The following TNFSF12 variants were observed in gnomAD, a reference collection of about 807,000 sequenced individuals.
The protein encoded by TNFSF12 is TNF superfamily member 12, also known as tumor necrosis factor ligand superfamily member 12.
A neutral mutation model predicts 31.2 loss-of-function variants in TNFSF12; 16 were observed. The observed-to-expected ratio is 0.51, with a 90% CI of 0.35 to 0.78. TNFSF12 has a LOEUF of 0.78. Among genes scored for constraint, TNFSF12 ranks in the 30% least tolerant of loss-of-function variants. TNFSF12 has a pLI of 0.01. For synonymous variants in TNFSF12, 150 were observed against 151.4 expected (o/e 0.99, Z 0.07); for missense variants, 324 against 338.8 (o/e 0.96, Z 0.34).
At position 7,557,541 on chromosome 17, in the gene TNFSF12, A is replaced by G. The variant is rs754641841; in HGVS notation, c.*191A>G. 3.1e-5 allele frequency: 23 copies of G among 741,268 alleles called. No homozygotes were observed. The highest frequency in any genetic ancestry group is 4.6e-5 in the Non-Finnish European group (23 of 496,106). 45.9% of individuals were successfully genotyped at this position (741,268 alleles called of 1,614,324 possible). A position where few individuals can be genotyped will look rare whatever the true frequency, so the allele number is the denominator to read the frequency against. Reference sequence around the variant, plus strand: ...ACAGTATTCCCACTCTTATCTTACAACTCCCCCACCGCCCACTCTCCACCT... The same window carrying G: ...ACAGTATTCCCACTCTTATCTTACAGCTCCCCCACCGCCCACTCTCCACCT... On this transcript the variant is annotated 3_prime_UTR_variant, in exon 7 of 7. Coordinates refer to ENST00000293825, the MANE Select transcript of TNFSF12 (RefSeq NM_003809.3). This position sits in a 1 kb window ranked among gnomAD's most constrained non-coding sequence, Gnocchi z 5.2.
rs2150904255 is a variant in TNFSF12, at chr17:7,549,500, AGAG to A, written c.192_194del (p.Glu64del). 1 of 1,550,128 alleles carries A rather than the reference AGAG, an allele frequency of 6.5e-7. No individual in the cohort carries two copies. The highest frequency in any genetic ancestry group is 8.7e-7 in the Non-Finnish European group (1 of 1,144,170). ...AGCCTGCCCAGGAGGAGCTGGTGGC[AGAG>A]GAGGACCAGGACCCGTCGGTGAGTG... is the stretch of plus-strand genomic sequence containing the variant. On this transcript the variant is annotated inframe_deletion, in exon 2 of 7. Coordinates refer to ENST00000293825, the MANE Select transcript of TNFSF12 (RefSeq NM_003809.3). The surrounding 1 kb of genome is among the most constrained non-coding windows in gnomAD (Gnocchi z 4.1).
intron 5 of TNFSF12, among the ~76,000 whole-genome samples, 186 bp from the exon 6 acceptor site, chr17:7,556,592 A>AT (rs1193156254): frequency 2.0e-5 from 3 of 152,098 alleles, no homozygotes; most frequent in Admixed American, 6.5e-5. Context: ...TATACATTAG[A>AT]TTTTTTCACA....
chr17:7,553,897 T>G, intron 5 of TNFSF12: 1 of 1,035,414 alleles, frequency 9.7e-7, no homozygotes, highest in Non-Finnish European at 1.2e-6. Context: ...TCTGGACAAC[T>G]AGGGAGATGG....
In TNFSF12 at chr17:7,550,837, G is replaced by T; in HGVS notation, c.322G>T (p.Ala108Ser). The change falls in exon 4 of 7, where the codon GCA (alanine) becomes TCA (serine). Residue 108 changes from alanine (A) to serine (S), a missense_variant. Ala to Ser is a moderately conservative substitution (Grantham distance 99). Coordinates refer to ENST00000293825, the MANE Select transcript of TNFSF12 (RefSeq NM_003809.3). This position sits in a 1 kb window ranked among gnomAD's most constrained non-coding sequence, Gnocchi z 4.4. ...GRKTRARRAIAAHYEVHPRPG... is the reference protein window; with the variant it reads ...GRKTRARRAISAHYEVHPRPG... ...GAAAACACGGGCTCGAAGAGCGATC[G>T]CAGCCCATTATGAAGGTGGGTGATG... 4 of 1,612,504 alleles carry T rather than the reference G, an allele frequency of 2.5e-6. No homozygotes were observed. The highest frequency in any genetic ancestry group is 3.4e-6 in the Non-Finnish European group (4 of 1,178,698).
Position 7,549,732 on chromosome 17 carries a change from G to C in TNFSF12, c.207+211G>C. On this transcript the variant is annotated intron_variant, in intron 2 of 6. Transcript: ENST00000293825. This position sits in a 1 kb window ranked among gnomAD's most constrained non-coding sequence, Gnocchi z 4.1. ...TTTGTGCTGGGGTTGTGCCACCTGA[G>C]TCTGAGGTGTTTATTGGCTGGGGGT... 1 of 800,530 alleles carries C rather than the reference G, an allele frequency of 1.2e-6. No individual in the cohort carries two copies. Among genetic ancestry groups the C allele is most frequent in the Non-Finnish European group, 1.9e-6 (1 of 528,884 alleles). The allele number at this position is 800,530 out of a possible 1,614,324, so 49.6% of individuals were successfully genotyped here. A position where few individuals can be genotyped will look rare whatever the true frequency, so the allele number is the denominator to read the frequency against.
rs751381442 is a variant in TNFSF12, at chr17:7,549,518, G to C, written c.204G>C (p.Pro68=). The C allele has an allele frequency of 1.3e-6, 2 of 1,551,506 alleles. No individual in the cohort carries two copies. The highest frequency in any genetic ancestry group is 1.7e-6 in the Non-Finnish European group (2 of 1,145,422). ...EELVAEEDQD[P]SELNPQTEES... ...TGGTGGCAGAGGAGGACCAGGACCCGTCGGTGAGTGGGCGTGGGCGCGGTC... is the reference window on the plus strand; with the variant it reads ...TGGTGGCAGAGGAGGACCAGGACCCCTCGGTGAGTGGGCGTGGGCGCGGTC... The change falls in exon 2 of 7, where the codon CCG becomes CCC. Residue 68 remains proline, a synonymous_variant. Transcript: ENST00000293825. This position sits in a 1 kb window ranked among gnomAD's most constrained non-coding sequence, Gnocchi z 4.1.
In TNFSF12 at chr17:7,557,482, G is replaced by A. The variant is rs913554503; in HGVS notation, c.*132G>A. The A allele has an allele frequency of 2.0e-5, 26 of 1,276,112 alleles. No homozygotes were observed. Among genetic ancestry groups the A allele is most frequent in the Non-Finnish European group, 1.1e-6 (1 of 950,318 alleles). The allele number at this position is 1,276,112 out of a possible 1,614,324, so 79.0% of individuals were successfully genotyped here. On this transcript the variant is annotated 3_prime_UTR_variant, in exon 7 of 7. Coordinates refer to ENST00000293825, the MANE Select transcript of TNFSF12 (RefSeq NM_003809.3). This position sits in a 1 kb window ranked among gnomAD's most constrained non-coding sequence, Gnocchi z 5.2. ...CTGCCCCTCCCTCTAGAGGCTGCCT[G>A]GGCCTGTTCACGTGTTTTCCATCCC...
chr17:7,556,733 G>T (rs766198314), intron 5 of TNFSF12, 45 bp from the exon 6 acceptor site: 1 of 1,458,252 alleles, frequency 6.9e-7, no homozygotes, highest in Admixed American at 2.6e-5. Context: ...GTGTGGGGGA[G>T]TCCTGTAGAG....
intron 5 of TNFSF12, among the ~76,000 whole-genome samples, chr17:7,554,213 C>T (rs955568817): frequency 6.6e-6 from 1 of 152,184 alleles, no homozygotes. Context: ...GGCAATTATC[C>T]AGACATTCAT....
At chr17:7,556,008 T>C (rs1198554591) in intron 5 of TNFSF12, among the ~76,000 whole-genome samples, 1 of 112,854 alleles carries the variant, frequency 8.9e-6, no homozygotes, top group Non-Finnish European at 1.8e-5. Flanking sequence ...GGAGACAGAG[T>C]CTAGCTCTGT....
At chr17:7,552,680 G>T (rs888883364) in intron 5 of TNFSF12, among the ~76,000 whole-genome samples, 1 of 152,096 alleles carries the variant, frequency 6.6e-6, no homozygotes, top group African/African-American at 2.4e-5. Flanking sequence ...GGAGAAAGAA[G>T]GGCCCCACGA....
chr17:7,550,803 T>G lies in TNFSF12; in HGVS notation c.288T>G (p.Pro96=). Residue 96 remains proline, a synonymous_variant, in exon 4 of 7, where the codon CCT becomes CCG. Transcript: ENST00000293825. The surrounding 1 kb of genome is among the most constrained non-coding windows in gnomAD (Gnocchi z 4.4). ...CTGTCTTTCCTTGATCCTCAGCACC[T>G]AAAGGCCGGAAAACACGGGCTCGAA... ...NRLVRPRRSA[P]KGRKTRARRA... 1 of 1,610,380 alleles carries G rather than the reference T, an allele frequency of 6.2e-7. No individual in the cohort carries two copies. The highest frequency in any genetic ancestry group is 8.5e-7 in the Non-Finnish European group (1 of 1,177,030).
At chr17:7,552,615 C>T (rs981026138) in intron 5 of TNFSF12, among the ~76,000 whole-genome samples, 18 of 152,068 alleles carry the variant, frequency 1.2e-4, no homozygotes, top group African/African-American at 4.1e-4. Flanking sequence ...AGGTGTGAGC[C>T]CTTGTGCCCG....
At chr17:7,551,818 C>T (rs189236103) in intron 5 of TNFSF12, among the ~76,000 whole-genome samples, 4 of 152,276 alleles carry the variant, frequency 2.6e-5, no homozygotes, top group Admixed American at 6.5e-5. Context: ...AAGACAGTCT[C>T]GCTCTGTCAC....
At position 7,549,499 on chromosome 17, in the gene TNFSF12, C is replaced by T. The variant is rs1349991702; in HGVS notation, c.185C>T (p.Ala62Val). 2 of 1,548,834 alleles carry T rather than the reference C, an allele frequency of 1.3e-6. No homozygotes were observed. The highest frequency in any genetic ancestry group is 3.9e-5 in the Admixed American group (2 of 51,588). Residue 62 changes from alanine to valine, a missense_variant, in exon 2 of 7, where the codon GCA becomes GTA. Coordinates refer to ENST00000293825, the MANE Select transcript of TNFSF12 (RefSeq NM_003809.3). The surrounding 1 kb of genome is among the most constrained non-coding windows in gnomAD (Gnocchi z 4.1). ...GAGCCTGCCCAGGAGGAGCTGGTGG[C>T]AGAGGAGGACCAGGACCCGTCGGTG... ...AQEPAQEELV[A>V]EEDQDPSELN...
chr17:7,549,464 T>A lies in TNFSF12; in HGVS notation c.160-10T>A. On this transcript the variant is annotated splice_polypyrimidine_tract_variant and intron_variant, in intron 1 of 6. Transcript: ENST00000293825. The surrounding 1 kb of genome is among the most constrained non-coding windows in gnomAD (Gnocchi z 4.1). Reference sequence around the variant, plus strand: ...AGCGGCACAGGGTGACGCTCCCTCCTTCCCAGCAGGAGCCTGCCCAGGAGG... The same window carrying A: ...AGCGGCACAGGGTGACGCTCCCTCCATCCCAGCAGGAGCCTGCCCAGGAGG... 6.6e-7 allele frequency: 1 copy of A among 1,516,830 alleles called. No individual in the cohort carries two copies. Among genetic ancestry groups the A allele is most frequent in the Non-Finnish European group, 8.9e-7 (1 of 1,122,626 alleles). 94.0% of individuals were successfully genotyped at this position (1,516,830 alleles called of 1,614,324 possible).
intron 5 of TNFSF12, among the ~76,000 whole-genome samples, chr17:7,554,083 A>C (rs2071030381): frequency 6.6e-6 from 1 of 152,176 alleles, no homozygotes; most frequent in South Asian, 2.1e-4. Flanking sequence ...CCATGCCCTT[A>C]GGCTACAAGC....
rs1037142183 is a variant in TNFSF12, at chr17:7,550,656, A to G, written c.284-143A>G. The G allele has an allele frequency of 2.4e-6, 3 of 1,268,018 alleles. No homozygotes were observed. The African/African-American group carries it at 4.5e-5, about 19-fold the overall frequency. The allele number at this position is 1,268,018 out of a possible 1,614,324, so 78.5% of individuals were successfully genotyped here. On this transcript the variant is annotated intron_variant, in intron 3 of 6. Transcript: ENST00000293825. The surrounding 1 kb of genome is among the most constrained non-coding windows in gnomAD (Gnocchi z 4.4). ...TTATAGTCACTCTACTTACTGAGGA[A>G]GATGAGGCCTGAGATTCTAAGGCCA...
At position 7,556,386 on chromosome 17, in the gene TNFSF12, G is replaced by A. The variant is rs2071066546; in HGVS notation, c.374-392G>A. On this transcript the variant is annotated intron_variant, in intron 5 of 6. Transcript: ENST00000293825. ...TATATGGATAGACATTTTGTTGATG[G>A]ACAATTGGGTTTCATTTTATTATTT... 2.0e-5 allele frequency among the ~76,000 whole-genome samples: 3 copies of A among 152,150 alleles called. No homozygotes were observed. The South Asian group carries it at 6.2e-4, about 32-fold the overall frequency.
Sources: gnomAD v4.1 joint callset for allele counts (sites outside exome capture counted in the v4.1 genomes callset) on GRCh38, gnomAD v4.1.1 for gene constraint, Gnocchi (gnomAD v3.1) non-coding constraint, MANE v1.5 for transcripts, NCBI Gene and HGNC (gene_info 2026-07-23, HGNC 2026-07-21) for gene names.